Variants in PHF21A observed in about 807,000 individuals in gnomAD.
The protein encoded by PHF21A is BHC80a.
PHF21A carries 11 observed loss-of-function variants against 82.5 expected under a neutral mutation model. The ratio of observed to expected loss-of-function variants is 0.13; its 90% CI spans 0.08 to 0.22. The LOEUF (loss-of-function observed/expected upper bound fraction) is 0.22, where lower values mean the gene tolerates loss of function less well. PHF21A is among the 10% of genes least tolerant of loss of function. PHF21A has a pLI of 1.00. For missense variants in PHF21A, 579 were observed against 837.8 expected (o/e 0.69, Z 3.81); for synonymous variants, 297 against 302.8 (o/e 0.98, Z 0.20).
At position 45,933,394 on chromosome 11, in the gene PHF21A, T is replaced by G. The variant is rs1565120099; in HGVS notation, c.*574A>C. 6.5e-6 allele frequency: 1 copy of G among 152,714 alleles called. No individual in the cohort carries two copies. The highest frequency in any genetic ancestry group is 1.9e-4 in the East Asian group (1 of 5,202). The allele number at this position is 152,714 out of a possible 1,614,324, so 9.5% of individuals were successfully genotyped here. On this transcript the variant is annotated 3_prime_UTR_variant, in exon 19 of 19. Transcript: ENST00000676320. The stretch of plus-strand genomic sequence containing the variant: ...CAGAGGTGATTAAATACTGCTTATT[T>G]GATACACTGTCCCACCCCCTGCTCC...
intron 18 of PHF21A, 49 bp downstream of exon 18, chr11:45,935,586 TA>T (rs2088746793): frequency 1.1e-6 from 1 of 919,978 alleles, no homozygotes; most frequent in Admixed American, 1.8e-5. Flanking sequence ...TGGAAAGGCC[TA>T]GGTCTCTGCA....
At position 46,026,196 on chromosome 11, in the gene PHF21A, G is replaced by A. The variant is rs955547586; in HGVS notation, c.154-46230C>T. ...TTGGCTTTAAAATTTTCAGTCCTTTGGGGATAGATATATCTATAAAATTAT... is the reference window on the plus strand; with the variant it reads ...TTGGCTTTAAAATTTTCAGTCCTTTAGGGATAGATATATCTATAAAATTAT... On this transcript the variant is annotated intron_variant, in intron 6 of 18. Transcript: ENST00000676320. 2.6e-4 allele frequency among the ~76,000 whole-genome samples: 39 copies of A among 152,084 alleles called. 1 individual carries two copies. Among genetic ancestry groups the A allele is most frequent in the Admixed American group, 2.0e-4 (3 of 15,256 alleles).
intron 15 of PHF21A, among the ~76,000 whole-genome samples, chr11:45,939,532 C>T (rs2089919999): frequency 6.6e-6 from 1 of 152,040 alleles, no homozygotes; most frequent in South Asian, 2.1e-4. Flanking sequence ...TCTCCTAAAA[C>T]CAGTATTTTG....
Position 45,934,080 on chromosome 11 carries a change from G to A in PHF21A, c.1934C>T (p.Ser645Phe). Residue 645 changes from serine to phenylalanine, a missense_variant, in exon 19 of 19, where the codon TCC becomes TTC. By Grantham distance (155) the Ser-to-Phe change is radical. Around this residue, in one of 3 missense-constraint regions of PHF21A, gnomAD observed 157 missense variants for 149.4 expected, o/e 1.05. Coordinates refer to ENST00000676320, the MANE Select transcript of PHF21A (RefSeq NM_001352027.3). ...AGGGGGGGTGCAGTCCGGGCCATTG[G>A]AGATGGCCCCCACAGTGGCCTCAGA... The part of the protein sequence containing the change: ...VDSEATVGAI[S>F]NGPDCTPPAN... 1 of 1,613,970 alleles carries A rather than the reference G, an allele frequency of 6.2e-7. No homozygotes were observed. The highest frequency in any genetic ancestry group is 1.3e-5 in the African/African-American group (1 of 75,054).
At chr11:45,991,114 T>C (rs574921467) in intron 6 of PHF21A, among the ~76,000 whole-genome samples, 5 of 152,324 alleles carry the variant, frequency 3.3e-5, no homozygotes, top group South Asian at 4.1e-4. Context: ...CAGAATGTCA[T>C]AGAGTTGGAG....
chr11:45,999,232 A>C lies in PHF21A; in HGVS notation c.154-19266T>G, dbSNP rs183232442. On this transcript the variant is annotated intron_variant, in intron 6 of 18. Coordinates refer to ENST00000676320, the MANE Select transcript of PHF21A (RefSeq NM_001352027.3). The stretch of plus-strand genomic sequence containing the variant: ...AGTAAATAGAGAAAACAGGACCACA[A>C]ACAGAGGTCAAGATCAAACCTGGGA... 3.3e-5 allele frequency among the ~76,000 whole-genome samples: 5 copies of C among 152,332 alleles called. No homozygotes were observed. In the East Asian group the frequency reaches 9.6e-4, roughly 29 times the overall value.
At chr11:46,004,193 A>T (rs1460890676) in intron 6 of PHF21A, among the ~76,000 whole-genome samples, 2 of 152,214 alleles carry the variant, frequency 1.3e-5, no homozygotes, top group Admixed American at 1.3e-4. Context: ...GATTCTTAAA[A>T]TCATTGAATT....
chr11:45,935,789 T>A, intron 17 of PHF21A, 50 bp from the exon 18 acceptor site: 1 of 869,008 alleles, frequency 1.2e-6, no homozygotes, highest in Non-Finnish European at 1.8e-6. Flanking sequence ...CAATTAATTC[T>A]TTGAAATGTC....
chr11:46,047,045 T>G (rs1039594126), intron 6 of PHF21A, among the ~76,000 whole-genome samples: 7 of 152,244 alleles, frequency 4.6e-5, no homozygotes, highest in African/African-American at 1.7e-4. Context: ...TCAAACATTC[T>G]TCTCATGTTT....
At chr11:46,120,589 C>T (rs1852968267) in intron 1 of PHF21A, 1 of 151,670 alleles carries the variant, frequency 6.6e-6, no homozygotes, top group Non-Finnish European at 1.5e-5. Flanking sequence ...CAAGGTTTTC[C>T]CATTGTCTTT....
intron 6 of PHF21A, among the ~76,000 whole-genome samples, chr11:46,041,170 G>A (rs968526921): frequency 1.4e-4 from 21 of 152,008 alleles, no homozygotes; most frequent in African/African-American, 5.1e-4. Context: ...CACCACCACA[G>A]TTTCAAATAC....
In PHF21A at chr11:45,933,937, G is replaced by A; in HGVS notation, c.*31C>T. 6.7e-7 allele frequency: 1 copy of A among 1,485,390 alleles called. No homozygotes were observed. Among genetic ancestry groups the A allele is most frequent in the South Asian group, 1.4e-5 (1 of 70,602 alleles). 92.0% of individuals were successfully genotyped at this position (1,485,390 alleles called of 1,614,324 possible). ...CAGTGTTCTGTTCTCCTTGCCGCCG[G>A]GATCCCGTGGCTTCTCCTAGAGGGG... is the stretch of plus-strand genomic sequence containing the variant. On this transcript the variant is annotated 3_prime_UTR_variant, in exon 19 of 19. Coordinates refer to ENST00000676320, the MANE Select transcript of PHF21A (RefSeq NM_001352027.3).
intron 6 of PHF21A, among the ~76,000 whole-genome samples, chr11:46,074,634 C>T (rs1396173106): frequency 2.6e-5 from 4 of 152,214 alleles, no homozygotes; most frequent in African/African-American, 9.6e-5. Context: ...TCCCAAGTAG[C>T]TGGGACTACT....
In PHF21A at chr11:45,945,878, C is replaced by G. The variant is rs1201174209; in HGVS notation, c.1414G>C (p.Val472Leu). 2.5e-6 allele frequency: 4 copies of G among 1,606,152 alleles called. No individual in the cohort carries two copies. The highest frequency in any genetic ancestry group is 3.4e-6 in the Non-Finnish European group (4 of 1,175,914). Residue 472 changes from valine to leucine, a missense_variant, in exon 15 of 19, where the codon GTT becomes CTT. Coordinates refer to ENST00000676320, the MANE Select transcript of PHF21A (RefSeq NM_001352027.3). The stretch of plus-strand genomic sequence containing the variant: ...GGGCTGGGCAGGGACACAGGCTGAA[C>G]AGGTGCAGGGAAAGTGAATGTGGTC... ...TETTFTFPAP[V>L]QPVSLPSPTS...
At chr11:45,952,368 G>C (rs2092240531) in intron 11 of PHF21A, among the ~76,000 whole-genome samples, 1 of 152,092 alleles carries the variant, frequency 6.6e-6, no homozygotes, top group South Asian at 2.1e-4. Context: ...CAGCCTCCTG[G>C]GTAGCTGGGA....
chr11:46,034,275 A>G (rs975530059), intron 6 of PHF21A, among the ~76,000 whole-genome samples: 2 of 143,870 alleles, frequency 1.4e-5, no homozygotes, highest in African/African-American at 2.6e-5. Context: ...TTAGAGATTC[A>G]TAAGAACTCT....
In PHF21A at chr11:45,933,094, T is replaced by A. The variant is rs879846215; in HGVS notation, c.*874A>T. On this transcript the variant is annotated 3_prime_UTR_variant, in exon 19 of 19. Coordinates refer to ENST00000676320, the MANE Select transcript of PHF21A (RefSeq NM_001352027.3). Reference sequence around the variant, plus strand: ...AAATATAGAAAAGGGATGGAGCTTGTTTTCAAGTAAAATCACTGATCCACC... The same window carrying A: ...AAATATAGAAAAGGGATGGAGCTTGATTTCAAGTAAAATCACTGATCCACC... 3 of 152,604 alleles carry A rather than the reference T, an allele frequency of 2.0e-5. No homozygotes were observed. Among genetic ancestry groups the A allele is most frequent in the Non-Finnish European group, 4.4e-5 (3 of 68,038 alleles). The allele number at this position is 152,604 out of a possible 1,614,324, so 9.5% of individuals were successfully genotyped here. A position where few individuals can be genotyped will look rare whatever the true frequency, so the allele number is the denominator to read the frequency against.
chr11:45,995,798 C>T (rs913817068), intron 6 of PHF21A, among the ~76,000 whole-genome samples: 4 of 152,072 alleles, frequency 2.6e-5, no homozygotes, highest in African/African-American at 4.8e-5. Context: ...CAAAAACAAA[C>T]CAAAAACATA....
At chr11:46,120,204 C>G (rs1211995212) in intron 1 of PHF21A, among the ~76,000 whole-genome samples, 1 of 149,662 alleles carries the variant, frequency 6.7e-6, no homozygotes, top group Non-Finnish European at 1.5e-5. Context: ...TTTTTTAAAC[C>G]AGATCCCTCA....
Sources: gnomAD v4.1 joint callset for allele counts (sites outside exome capture counted in the v4.1 genomes callset) on GRCh38, gnomAD v4.1.1 for gene constraint, gnomAD v4.1.1 regional missense constraint, MANE v1.5 for transcripts, NCBI Gene and HGNC (gene_info 2026-07-23, HGNC 2026-07-21) for gene names.